The following DRC1 variants were observed in gnomAD, a reference collection of about 807,000 sequenced individuals.
The protein encoded by DRC1 is dynein regulatory complex protein 1.
In DRC1, 74 loss-of-function variants were observed where a neutral mutation model predicts 98.7. That is an observed-to-expected ratio of 0.75 (90% CI 0.62 to 0.91). DRC1 has a LOEUF of 0.91. Among genes scored for constraint, DRC1 ranks in the 40% least tolerant of loss-of-function variants. The pLI, the probability that DRC1 is intolerant of heterozygous loss-of-function variation, is 0.00. For missense variants in DRC1, 875 were observed against 886.0 expected, an observed-to-expected ratio of 0.99 and a Z score of 0.16; for synonymous variants, 336 against 334.1, an observed-to-expected ratio of 1.01 and a Z score of -0.06.
At chr2:26,449,264 T>A (rs1027785899) in intron 11 of DRC1, among the ~76,000 whole-genome samples, 1 of 152,272 alleles carries the variant, frequency 6.6e-6, no homozygotes, top group African/African-American at 2.4e-5. Context: ...GAATAAAAGC[T>A]GCATTGAGCT....
At chr2:26,405,467 C>T (rs1572348401) in intron 1 of DRC1, among the ~76,000 whole-genome samples, 2 of 152,072 alleles carry the variant, frequency 1.3e-5, no homozygotes, top group Admixed American at 1.3e-4. Flanking sequence ...TGAAAAGAAT[C>T]CTAACGGAAA....
At chr2:26,411,955 G>A (rs900189397) in intron 1 of DRC1, among the ~76,000 whole-genome samples, 5 of 152,090 alleles carry the variant, frequency 3.3e-5, no homozygotes, top group African/African-American at 1.2e-4. Context: ...AGAAAGTCAA[G>A]GGAATTTTTT....
At chr2:26,404,880 G>T (rs753778032) in intron 1 of DRC1, among the ~76,000 whole-genome samples, 30 of 152,164 alleles carry the variant, frequency 2.0e-4, no homozygotes, top group Non-Finnish European at 3.8e-4. Context: ...TAAGTGGGTG[G>T]GAGCATGCTT....
intron 7 of DRC1, among the ~76,000 whole-genome samples, chr2:26,438,592 G>A (rs1339206600): frequency 6.6e-6 from 1 of 152,148 alleles, no homozygotes; most frequent in Non-Finnish European, 1.5e-5. Context: ...CTCTGCCATG[G>A]TGACGCAGAA....
chr2:26,434,966 A>G (rs576606652), intron 7 of DRC1, among the ~76,000 whole-genome samples: 1 of 152,262 alleles, frequency 6.6e-6, no homozygotes, highest in East Asian at 1.9e-4. Flanking sequence ...GGGGAGCAAC[A>G]GTGTGGCCTG....
In DRC1 at chr2:26,421,405, G is replaced by T. The variant is rs765588210; in HGVS notation, c.356+5G>T. 27 of 1,611,138 alleles carry T rather than the reference G, an allele frequency of 1.7e-5. No individual in the cohort carries two copies. The highest frequency in any genetic ancestry group is 2.3e-5 in the Non-Finnish European group (27 of 1,177,986). ...AGAGGAGATAAAGCGTCAAAGGTAA[G>T]GACTGTGCTACTCTGCAGCTGGTGG... On this transcript the variant is annotated splice_donor_5th_base_variant and intron_variant, in intron 3 of 16. Transcript: ENST00000288710.
intron 7 of DRC1, among the ~76,000 whole-genome samples, chr2:26,434,890 C>CA (rs58202507): frequency 0.74 from 93,265 of 126,688 alleles, 35,366 homozygotes; most frequent in Non-Finnish European, 0.87. Context: ...GACTCCGTCT[C>CA]AAAAAAAAAA....
chr2:26,429,361 G>A (rs144593324), intron 4 of DRC1, among the ~76,000 whole-genome samples: 142 of 152,020 alleles, frequency 9.3e-4, no homozygotes, highest in African/African-American at 3.3e-3. Context: ...GACCACAGGC[G>A]TGCACCACCA....
At chr2:26,449,858 G>A in intron 11 of DRC1, 138 bp from the exon 12 acceptor site, 2 of 699,858 alleles carry the variant, frequency 2.9e-6, no homozygotes, top group Non-Finnish European at 4.7e-6. Context: ...CTTTGCTGGG[G>A]CCCACTGCTG....
In DRC1 at chr2:26,418,705, T is replaced by A. The variant is rs867140053; in HGVS notation, c.244-2583T>A. Among the ~76,000 whole-genome samples the A allele has an allele frequency of 2.4e-3, 229 of 95,718 alleles. 2 individuals are homozygous for A. Among genetic ancestry groups the A allele is most frequent in the Admixed American group, 9.9e-3 (69 of 6,944 alleles). The allele number at this position is 95,718 out of a possible 152,430, so 62.8% of individuals were successfully genotyped here. A position where few individuals can be genotyped will look rare whatever the true frequency, so the allele number is the denominator to read the frequency against. Reference sequence around the variant, plus strand: ...ATTTATATTATATATAAATTATATTTAATTTATATAATATATAAATTATAT... The same window carrying A: ...ATTTATATTATATATAAATTATATTAAATTTATATAATATATAAATTATAT... On this transcript the variant is annotated intron_variant, in intron 2 of 16. Transcript: ENST00000288710.
chr2:26,433,009 T>C (rs1349099598), intron 7 of DRC1, among the ~76,000 whole-genome samples: 1 of 152,250 alleles, frequency 6.6e-6, no homozygotes, highest in Non-Finnish European at 1.5e-5. Flanking sequence ...AATAAGCTTC[T>C]AAGAGCTAGA....
chr2:26,448,323 T>C (rs1663911454), intron 10 of DRC1: 2 of 487,340 alleles, frequency 4.1e-6, no homozygotes, highest in African/African-American at 3.9e-5. Context: ...TTAGAGACTA[T>C]ATAGCCACTT....
chr2:26,456,086 G>C (rs1408773892), intron 16 of DRC1, among the ~76,000 whole-genome samples: 1 of 152,230 alleles, frequency 6.6e-6, no homozygotes, highest in Non-Finnish European at 1.5e-5. Flanking sequence ...ACAGGACCCA[G>C]ACATTCTGGA....
At chr2:26,404,608 C>T (rs763148726) in intron 1 of DRC1, among the ~76,000 whole-genome samples, 1 of 152,182 alleles carries the variant, frequency 6.6e-6, no homozygotes, top group Admixed American at 6.5e-5. Flanking sequence ...CGTTGAGATA[C>T]TTCAGGGTGG....
chr2:26,410,395 C>A (rs1678567862), intron 1 of DRC1, among the ~76,000 whole-genome samples: 1 of 151,508 alleles, frequency 6.6e-6, no homozygotes, highest in African/African-American at 2.4e-5. Context: ...CCTTGGCCTC[C>A]CAAATAGCTG....
intron 4 of DRC1, among the ~76,000 whole-genome samples, chr2:26,428,220 T>A (rs937441382): frequency 9.9e-5 from 15 of 152,252 alleles, no homozygotes; most frequent in African/African-American, 3.4e-4. Flanking sequence ...TTTGTCATAA[T>A]TGTAGAATTA....
intron 14 of DRC1, 76 bp downstream of exon 14, chr2:26,453,625 C>A: frequency 7.0e-7 from 1 of 1,435,588 alleles, no homozygotes; most frequent in Non-Finnish European, 9.6e-7. Context: ...CAGGCAGAGC[C>A]AGTGAGTGGA....
chr2:26,410,232 A>G (rs1409994690), intron 1 of DRC1, among the ~76,000 whole-genome samples: 1 of 144,048 alleles, frequency 6.9e-6, no homozygotes, highest in Non-Finnish European at 1.5e-5. Context: ...AAAGGTAGAA[A>G]CTTATAGAGA....
intron 7 of DRC1, among the ~76,000 whole-genome samples, chr2:26,434,319 G>A (rs940087885): frequency 6.6e-6 from 1 of 152,078 alleles, no homozygotes; most frequent in Non-Finnish European, 1.5e-5. Context: ...GTACTTAGGG[G>A]GAAACTCCCT....
Sources: allele counts gnomAD v4.1 joint callset (sites outside exome capture counted in the v4.1 genomes callset), GRCh38; gene constraint gnomAD v4.1.1; transcripts MANE v1.5; gene names NCBI Gene and HGNC (gene_info 2026-07-23, HGNC 2026-07-21).